The following OPN4 variants were observed in gnomAD, a reference collection of about 807,000 sequenced individuals.
OPN4 encodes the protein opsin 4, also known as melanopsin.
Under a neutral mutation model 49.5 loss-of-function variants are expected in OPN4, and 43 were observed. The observed-to-expected ratio is 0.87, with a 90% CI of 0.68 to 1.12. OPN4 has a LOEUF of 1.12. Ranked by LOEUF, OPN4 falls within the 50% of genes most tolerant of loss-of-function variation. OPN4 has a pLI of 0.00. For synonymous variants in OPN4, 263 were observed against 258.0 expected, an observed-to-expected ratio of 1.02 and a Z score of -0.19; for missense variants, 657 against 643.9, an observed-to-expected ratio of 1.02 and a Z score of -0.22.
intron 9 of OPN4, 94 bp downstream of exon 9, chr10:86,663,896 G>C (rs182610457): frequency 7.1e-7 from 1 of 1,418,316 alleles, no homozygotes; most frequent in Non-Finnish European, 9.5e-7. Context: ...TTGTTCTCAT[G>C]GGCAGGGGCG....
chr10:86,657,023 C>A (rs1396246004), intron 2 of OPN4, among the ~76,000 whole-genome samples: 1 of 152,004 alleles, frequency 6.6e-6, no homozygotes, highest in South Asian at 2.1e-4. Flanking sequence ...ACACCCACCC[C>A]CAGTGTCCCT....
rs1843949415 is a variant in OPN4 at position 86,659,403 on chromosome 10, C to T, written c.735C>T (p.Phe245=). The T allele has an allele frequency of 1.2e-6, 2 of 1,614,026 alleles. No homozygotes were observed. The highest frequency in any genetic ancestry group is 2.2e-5 in the East Asian group (1 of 44,896). ...YTMLLCCFVF[F]LPLLIIIYCY... The stretch of plus-strand genomic sequence containing the variant: ...TGCTTCTCTGCTGCTTCGTGTTCTT[C>T]CTCCCTCTGCTTATCATCATCTACT... Residue 245 remains phenylalanine (F), a synonymous_variant, in exon 5 of 10, where the codon TTC becomes TTT. Transcript: ENST00000241891.
At chr10:86,659,235 T>C (rs1442093527) in intron 4 of OPN4, 62 bp from the exon 5 acceptor site, 23 of 1,374,906 alleles carry the variant, frequency 1.7e-5, no homozygotes, top group Non-Finnish European at 2.2e-5. Flanking sequence ...ACAAAGCTCC[T>C]GCCAGATAAG....
rs768603369 is a variant in OPN4 at position 86,659,372 on chromosome 10, A to G, written c.704A>G (p.Tyr235Cys). ...YMSFTPAVRAYTMLLCCFVFF... is the reference protein window; with the variant it reads ...YMSFTPAVRACTMLLCCFVFF... ...AGCTTCACGCCGGCCGTGCGTGCCT[A>G]CACCATGCTTCTCTGCTGCTTCGTG... is the stretch of plus-strand genomic sequence containing the variant. The change falls in exon 5 of 10, where the codon TAC (tyrosine) becomes TGC (cysteine). Residue 235 changes from tyrosine (Y) to cysteine (C), a missense_variant. By Grantham distance (194) the Tyr-to-Cys change is radical. Transcript: ENST00000241891. 5 of 1,613,988 alleles carry G rather than the reference A, an allele frequency of 3.1e-6. No homozygotes were observed. The highest frequency in any genetic ancestry group is 4.2e-6 in the Non-Finnish European group (5 of 1,180,006).
In OPN4 at chr10:86,658,113, C is replaced by G. The variant is rs1399800919; in HGVS notation, c.372C>G (p.Ala124=). 6.2e-7 allele frequency: 1 copy of G among 1,614,142 alleles called. No individual in the cohort carries two copies. The highest frequency in any genetic ancestry group is 1.1e-5 in the South Asian group (1 of 91,076). Residue 124 remains alanine, a synonymous_variant, in exon 3 of 10, where the codon GCC becomes GCG. Coordinates refer to ENST00000241891, the MANE Select transcript of OPN4 (RefSeq NM_033282.4). ...VSDFLMSFTQ[A]PVFFTSSLYK... ...ACTTCCTCATGTCCTTCACCCAGGC[C>G]CCTGTCTTCTTCACCAGTAGCCTCT...
chr10:86,655,172 G>C (rs1843835567), intron 1 of OPN4, among the ~76,000 whole-genome samples: 1 of 152,310 alleles, frequency 6.6e-6, no homozygotes, highest in African/African-American at 2.4e-5. Flanking sequence ...TGAGGACAAG[G>C]GGCTGGAATG....
At chr10:86,661,196 T>C (rs1843996443) in intron 6 of OPN4, 85 bp from the exon 7 acceptor site, 1 of 1,072,324 alleles carries the variant, frequency 9.3e-7, no homozygotes, top group Admixed American at 1.8e-5. Context: ...TGGATTAGGA[T>C]TTGGGCTTTG....
chr10:86,658,282 G>T, intron 3 of OPN4, 117 bp downstream of exon 3: 1 of 1,369,620 alleles, frequency 7.3e-7, no homozygotes. Flanking sequence ...AGAGTGGGTA[G>T]CTGCCCTCAG....
At position 86,656,162 on chromosome 10, in the gene OPN4, G is replaced by T. The variant is rs762654676; in HGVS notation, c.152G>T (p.Gly51Val). 5 of 1,614,168 alleles carry T rather than the reference G, an allele frequency of 3.1e-6. No homozygotes were observed. The part of the protein sequence containing the change: ...RLPSISPTAP[G>V]TWAAAWVPLP... ...TTCTCTGTCTCTCCGCAGGCACCTGGGACTTGGGCTGCTGCCTGGGTCCCC... is the reference window on the plus strand; with the variant it reads ...TTCTCTGTCTCTCCGCAGGCACCTGTGACTTGGGCTGCTGCCTGGGTCCCC... Residue 51 changes from glycine to valine, a missense_variant, in exon 2 of 10, where the codon GGG becomes GTG. Physicochemically the swap from Gly to Val is moderately radical, Grantham distance 109. Transcript: ENST00000241891.
intron 6 of OPN4, among the ~76,000 whole-genome samples, chr10:86,660,629 G>T (rs1444053048): frequency 1.3e-5 from 2 of 152,322 alleles, no homozygotes; most frequent in South Asian, 4.1e-4. Context: ...GCAAGAGAGG[G>T]CATCACGGTT....
intron 8 of OPN4, among the ~76,000 whole-genome samples, chr10:86,662,700 C>T (rs914933032): frequency 2.0e-5 from 3 of 152,258 alleles, no homozygotes; most frequent in Non-Finnish European, 4.4e-5. Flanking sequence ...CTTCCAACTC[C>T]AGGCCATCCT....
In OPN4 at chr10:86,658,556, T is replaced by C; in HGVS notation, c.497T>C (p.Leu166Pro). The C allele has an allele frequency of 6.2e-7, 1 of 1,614,234 alleles. No individual in the cohort carries two copies. Among genetic ancestry groups the C allele is most frequent in the Non-Finnish European group, 8.5e-7 (1 of 1,180,044 alleles). ...SSMITLTAIA[L>P]DRYLVITRPL... Reference sequence around the variant, plus strand: ...ATGATCACCCTGACGGCCATCGCCCTGGACCGCTACCTGGTAATCACACGC... The same window carrying C: ...ATGATCACCCTGACGGCCATCGCCCCGGACCGCTACCTGGTAATCACACGC... The change falls in exon 4 of 10, where the codon CTG becomes CCG. Residue 166 changes from leucine (L) to proline (P), a missense_variant. Leu to Pro is a moderately conservative substitution (Grantham distance 98, BLOSUM62 -3). Transcript: ENST00000241891.
intron 9 of OPN4, 55 bp downstream of exon 9, chr10:86,663,857 A>G: frequency 2.0e-6 from 3 of 1,535,538 alleles, no homozygotes; most frequent in Non-Finnish European, 2.6e-6. Flanking sequence ...AGGGGCCAGT[A>G]GCCCAGGGAG....
intron 9 of OPN4, chr10:86,664,056 A>C (rs145064869): frequency 4.1e-5 from 19 of 461,114 alleles, no homozygotes; most frequent in African/African-American, 3.6e-4. Context: ...CTGACTCTGC[A>C]TGGTGCTGTT....
chr10:86,665,453 G>A (rs1844135439), intron 9 of OPN4, among the ~76,000 whole-genome samples: 1 of 152,070 alleles, frequency 6.6e-6, no homozygotes, highest in South Asian at 2.1e-4. Flanking sequence ...TGGTGGGGGT[G>A]AGGATGGGTT....
rs749593879 is a variant in OPN4, at chr10:86,654,831, G to A, written c.48G>A (p.Glu16=). The part of the protein sequence containing the change: ...GPRVPPSPTQ[E]PSCMATPAPP... ...GAGTCCCGCCCAGCCCAACCCAAGA[G>A]CCCAGCTGCATGGCCACCCCAGCAC... is the stretch of plus-strand genomic sequence containing the variant. Residue 16 remains glutamate (E), a synonymous_variant, in exon 1 of 10, where the codon GAG becomes GAA. Transcript: ENST00000241891. 6.4e-7 allele frequency: 1 copy of A among 1,559,082 alleles called. No individual in the cohort carries two copies. The highest frequency in any genetic ancestry group is 8.8e-7 in the Non-Finnish European group (1 of 1,134,618).
chr10:86,659,197 G>A (rs1400611458), intron 4 of OPN4, 100 bp from the exon 5 acceptor site: 2 of 914,836 alleles, frequency 2.2e-6, no homozygotes, highest in Non-Finnish European at 3.4e-6. Context: ...CAGGGCCAGG[G>A]CTGTGTATGG....
chr10:86,661,140 T>C, intron 6 of OPN4, 141 bp from the exon 7 acceptor site: 1 of 667,156 alleles, frequency 1.5e-6, no homozygotes, highest in Non-Finnish European at 2.6e-6. Context: ...ATCCTGGCAC[T>C]GCCAATTCCT....
Position 86,658,606 on chromosome 10 carries a change from T to C in OPN4, c.547T>C (p.Ser183Pro), listed in dbSNP as rs151123640. The change falls in exon 4 of 10, where the codon TCC (serine) becomes CCC (proline). Residue 183 changes from serine to proline, a missense_variant. Coordinates refer to ENST00000241891, the MANE Select transcript of OPN4 (RefSeq NM_033282.4). Reference sequence around the variant, plus strand: ...CCCGCTGGCCACCTTTGGTGTGGCGTCCAAGAGGCGTGCGGCATTTGTCCT... The same window carrying C: ...CCCGCTGGCCACCTTTGGTGTGGCGCCCAAGAGGCGTGCGGCATTTGTCCT... ...TRPLATFGVA[S>P]KRRAAFVLLG... The C allele has an allele frequency of 2.9e-5, 47 of 1,614,158 alleles. No homozygotes were observed. The highest frequency in any genetic ancestry group is 2.4e-4 in the African/African-American group (18 of 75,050).
Sources: allele counts gnomAD v4.1 joint callset (sites outside exome capture counted in the v4.1 genomes callset), GRCh38; gene constraint gnomAD v4.1.1; transcripts MANE v1.5; gene names NCBI Gene and HGNC (gene_info 2026-07-23, HGNC 2026-07-21).